The following LRP1B variants were observed in gnomAD, a reference collection of about 807,000 sequenced individuals.
The protein encoded by LRP1B is LDL receptor related protein 1B, also known as low-density lipoprotein receptor-related protein 1B.
LRP1B carries 217 observed loss-of-function variants against 556.6 expected under a neutral mutation model. The ratio of observed to expected loss-of-function variants is 0.39; its 90% CI spans 0.35 to 0.44. The LOEUF is 0.44. Ranked by LOEUF, LRP1B falls within the 20% of genes least tolerant of loss-of-function variation. LRP1B has a pLI of 1.00. For missense variants in LRP1B, 5,053 were observed against 5,620.8 expected, an observed-to-expected ratio of 0.90 and a Z score of 3.23; for synonymous variants, 2,047 against 1,865.8, an observed-to-expected ratio of 1.10 and a Z score of -2.50.
intron 2 of LRP1B, among the ~76,000 whole-genome samples, chr2:141,515,364 C>T (rs1303997638): frequency 6.6e-6 from 1 of 151,052 alleles, no homozygotes; most frequent in Non-Finnish European, 1.5e-5. Flanking sequence ...CATTCATGAC[C>T]AAATCTCCTG....
chr2:140,747,608 G>T (rs1688361139), intron 35 of LRP1B, among the ~76,000 whole-genome samples: 1 of 152,136 alleles, frequency 6.6e-6, no homozygotes, highest in South Asian at 2.1e-4. Flanking sequence ...TGGTATGGGA[G>T]TTATCGGTGT....
rs533990558 is a variant in LRP1B, at chr2:141,483,081, T to A, written c.206-2548A>T. On this transcript the variant is annotated intron_variant, in intron 2 of 90. Coordinates refer to ENST00000389484, the MANE Select transcript of LRP1B (RefSeq NM_018557.3). The stretch of plus-strand genomic sequence containing the variant: ...GCACCCATTAACTTGTCATTTAGCA[T>A]TAGGTGTATCTCCTAATGCTATCCC... Among the ~76,000 whole-genome samples the A allele has an allele frequency of 2.6e-5, 4 of 151,836 alleles. No homozygotes were observed. In the South Asian group the frequency reaches 8.3e-4, roughly 32 times the overall value.
At chr2:141,889,791 A>G (rs1699228975) in intron 1 of LRP1B, among the ~76,000 whole-genome samples, 1 of 152,180 alleles carries the variant, frequency 6.6e-6, no homozygotes, top group Non-Finnish European at 1.5e-5. Flanking sequence ...TGGAAGCAGG[A>G]CACTGTGCTT....
chr2:140,678,427 T>C (rs1685746434), intron 41 of LRP1B, among the ~76,000 whole-genome samples: 1 of 152,218 alleles, frequency 6.6e-6, no homozygotes, highest in Non-Finnish European at 1.5e-5. Flanking sequence ...AGTTTTCATT[T>C]CTTATCTGTG....
intron 1 of LRP1B, among the ~76,000 whole-genome samples, chr2:141,981,763 T>G (rs190103654): frequency 1.3e-5 from 2 of 152,250 alleles, no homozygotes; most frequent in African/African-American, 4.8e-5. Context: ...CATTTAAGTG[T>G]GGCCATGTGA....
At chr2:140,748,128 T>TAAA (rs1688386569) in intron 35 of LRP1B, among the ~76,000 whole-genome samples, 3 of 54,712 alleles carry the variant, frequency 5.5e-5, no homozygotes, top group South Asian at 7.8e-4. Flanking sequence ...TATATATATA[T>TAAA]ATATATATAA....
chr2:141,389,808 A>C (rs1192497463), intron 3 of LRP1B, among the ~76,000 whole-genome samples: 1 of 152,224 alleles, frequency 6.6e-6, no homozygotes, highest in African/African-American at 2.4e-5. Context: ...TCCCAGTTAA[A>C]AAGTGGGCAA....
At chr2:141,252,388 A>G (rs1388252747) in intron 4 of LRP1B, among the ~76,000 whole-genome samples, 1 of 152,152 alleles carries the variant, frequency 6.6e-6, no homozygotes, top group Non-Finnish European at 1.5e-5. Context: ...GAAACTCTGC[A>G]TTTGTAAGGC....
chr2:141,784,435 A>T (rs1695359670), intron 2 of LRP1B, among the ~76,000 whole-genome samples: 1 of 151,994 alleles, frequency 6.6e-6, no homozygotes, highest in South Asian at 2.1e-4. Flanking sequence ...TCGGCTCTAC[A>T]ACGCTAGTTA....
At chr2:141,060,888 G>A (rs1296784118) in intron 8 of LRP1B, among the ~76,000 whole-genome samples, 1 of 151,672 alleles carries the variant, frequency 6.6e-6, no homozygotes, top group Non-Finnish European at 1.5e-5. Flanking sequence ...CTTAGCATAT[G>A]TTTAAGGAAC....
chr2:141,861,328 A>G (rs1366884451), intron 1 of LRP1B, among the ~76,000 whole-genome samples: 2 of 152,146 alleles, frequency 1.3e-5, no homozygotes, highest in African/African-American at 2.4e-5. Flanking sequence ...AGGACCCTAC[A>G]TTCAATATTC....
At chr2:142,048,688 C>T (rs990080378) in intron 1 of LRP1B, among the ~76,000 whole-genome samples, 2 of 151,918 alleles carry the variant, frequency 1.3e-5, no homozygotes, top group African/African-American at 2.4e-5. Flanking sequence ...ATATTGCTAT[C>T]GTGGAAAGTC....
chr2:141,477,076 T>C lies in LRP1B; in HGVS notation c.343+3320A>G, dbSNP rs551227021. Among the ~76,000 whole-genome samples the C allele has an allele frequency of 2.8e-4, 42 of 152,026 alleles. 1 individual carries two copies. The highest frequency in any genetic ancestry group is 5.3e-4 in the Non-Finnish European group (36 of 68,004). ...AGGCAGAGGTCATGGTGAGCCGAGA[T>C]AGCGCCATTGCACTCCAGCCTGGGC... On this transcript the variant is annotated intron_variant, in intron 3 of 90. Transcript: ENST00000389484.
intron 15 of LRP1B, among the ~76,000 whole-genome samples, chr2:140,996,063 G>A (rs746614778): frequency 4.6e-5 from 7 of 151,948 alleles, no homozygotes; most frequent in African/African-American, 7.2e-5. Flanking sequence ...TCTAATCCAG[G>A]AATCGTGTGT....
intron 35 of LRP1B, among the ~76,000 whole-genome samples, chr2:140,757,633 C>T (rs1193233529): frequency 6.6e-6 from 1 of 152,194 alleles, no homozygotes; most frequent in Non-Finnish European, 1.5e-5. Context: ...TGTGATCCCA[C>T]ACTTTGGGAG....
At chr2:140,947,452 C>T (rs1695579071) in intron 20 of LRP1B, among the ~76,000 whole-genome samples, 1 of 152,212 alleles carries the variant, frequency 6.6e-6, no homozygotes, top group Non-Finnish European at 1.5e-5. Context: ...GACAGCCAGT[C>T]TTGAAACTCA....
rs781747055 is a variant in LRP1B at position 140,501,766 on chromosome 2, T to G, written c.8771A>C (p.Asn2924Thr). Residue 2924 changes from asparagine (N) to threonine (T), a missense_variant, in exon 55 of 91, where the codon AAC becomes ACC. By Grantham distance (65) the Asn-to-Thr change is moderately conservative (BLOSUM62 0). Transcript: ENST00000389484. ...ACTCAAACATTCATTTATATGGCAG[T>G]TTCTCTCATCTGAACCATCGCCACA... ...DDCGDGSDER[N>T]CHINECLSKK... 1 of 1,612,786 alleles carries G rather than the reference T, an allele frequency of 6.2e-7. No individual in the cohort carries two copies. Among genetic ancestry groups the G allele is most frequent in the African/African-American group, 1.3e-5 (1 of 74,848 alleles).
At chr2:141,730,859 G>T (rs1693243461) in intron 2 of LRP1B, among the ~76,000 whole-genome samples, 1 of 152,054 alleles carries the variant, frequency 6.6e-6, no homozygotes, top group South Asian at 2.1e-4. Flanking sequence ...GGACAGAAGT[G>T]GTTTATTTGG....
intron 1 of LRP1B, among the ~76,000 whole-genome samples, chr2:141,985,412 G>A (rs1430922975): frequency 6.6e-6 from 1 of 152,062 alleles, no homozygotes; most frequent in Admixed American, 6.5e-5. Flanking sequence ...TTTAGCAATG[G>A]TAATATGATT....
Sources: allele counts gnomAD v4.1 joint callset (sites outside exome capture counted in the v4.1 genomes callset), GRCh38; gene constraint gnomAD v4.1.1; transcripts MANE v1.5; gene names NCBI Gene and HGNC (gene_info 2026-07-23, HGNC 2026-07-21).